CHN1: variants seen among roughly 807,000 people sequenced by gnomAD.
CHN1 encodes the protein N-chimaerin.
Under a neutral mutation model 59.5 loss-of-function variants are expected in CHN1, and 37 were observed. That is an observed-to-expected ratio of 0.62 (90% CI 0.48 to 0.82). The LOEUF is 0.82. CHN1 is among the 40% of genes least tolerant of loss of function. CHN1 has a pLI of 0.00. For synonymous variants in CHN1, 206 were observed against 200.4 expected (o/e 1.03, Z -0.24); for missense variants, 469 against 571.0 (o/e 0.82, Z 1.82).
chr2:174,990,317 GT>G (rs1691504208), intron 1 of CHN1, among the ~76,000 whole-genome samples: 2 of 144,906 alleles, frequency 1.4e-5, no homozygotes, highest in Admixed American at 6.9e-5. Context: ...GTGCGAGGTC[GT>G]GGGGGGGTGC....
chr2:174,945,058 T>C (rs1369968413), intron 2 of CHN1, 115 bp from the exon 3 acceptor site: 1 of 705,110 alleles, frequency 1.4e-6, no homozygotes, highest in Non-Finnish European at 2.4e-6. Flanking sequence ...TATAACCTTA[T>C]TTACTAAATT....
rs1294929523 is a variant in CHN1, at chr2:174,944,901, G to C, written c.101C>G (p.Thr34Ser). 6.3e-7 allele frequency: 1 copy of C among 1,582,638 alleles called. No individual in the cohort carries two copies. Among genetic ancestry groups the C allele is most frequent in the African/African-American group, 1.3e-5 (1 of 74,600 alleles). ...CATTACACCCACCTCGCAAGTACAG[G>C]TAATTCTTCGAGGATGAGGGGCTTC... ...QQEAPHPRRI[T>S]CTCEVENRPK... Residue 34 changes from threonine to serine, a missense_variant, in exon 3 of 13, where the codon ACC becomes AGC. Around this residue, in one of 5 missense-constraint regions of CHN1, gnomAD observed 152 missense variants for 166.1 expected, o/e 0.92. Transcript: ENST00000409900.
chr2:174,849,914 C>G (rs1250532167), intron 6 of CHN1, among the ~76,000 whole-genome samples: 1 of 152,208 alleles, frequency 6.6e-6, no homozygotes, highest in Non-Finnish European at 1.5e-5. Context: ...GGAGTCTTCT[C>G]TCTGATTCTA....
At chr2:174,849,840 G>A (rs373965462) in intron 6 of CHN1, among the ~76,000 whole-genome samples, 1 of 152,084 alleles carries the variant, frequency 6.6e-6, no homozygotes, top group Non-Finnish European at 1.5e-5. Flanking sequence ...GCTAGTAGGT[G>A]GGGGGGCTGG....
At chr2:174,823,269 TA>T (rs1437693805) in intron 8 of CHN1, among the ~76,000 whole-genome samples, 2 of 152,256 alleles carry the variant, frequency 1.3e-5, no homozygotes, top group Non-Finnish European at 2.9e-5. Flanking sequence ...TGTAAGAAGA[TA>T]TTTTTTAGTT....
chr2:174,870,525 A>G lies in CHN1; in HGVS notation c.549+7315T>C, dbSNP rs116080349. Among the ~76,000 whole-genome samples the G allele has an allele frequency of 7.0e-3, 1,064 of 152,348 alleles. 16 individuals are homozygous for G. The highest frequency in any genetic ancestry group is 0.024 in the African/African-American group (1,010 of 41,578). ...AATACGATGGAGCAAAACGCATAAG[A>G]TGAAAATTACAGATCCAGAGTATGT... On this transcript the variant is annotated intron_variant, in intron 6 of 12. Transcript: ENST00000409900.
chr2:174,955,127 A>T (rs1337706160), intron 1 of CHN1, among the ~76,000 whole-genome samples: 10 of 147,180 alleles, frequency 6.8e-5, no homozygotes, highest in South Asian at 6.3e-4. Context: ...CTATAGATCT[A>T]ATATAGATCT....
At chr2:174,966,763 A>G (rs761683577) in intron 1 of CHN1, among the ~76,000 whole-genome samples, 1 of 152,196 alleles carries the variant, frequency 6.6e-6, no homozygotes, top group Non-Finnish European at 1.5e-5. Context: ...AGAACTTCTG[A>G]TAATGTTTCT....
Position 174,918,621 on chromosome 2 carries a change from TAACTC to T in CHN1, c.115-61_115-57del. On this transcript the variant is annotated intron_variant, in intron 3 of 12. Transcript: ENST00000409900. The stretch of plus-strand genomic sequence containing the variant: ...TGTAAAAATGCAAATGTGCAGAACA[TAACTC>T]AACATTTTGTGCATGTGACAAAGTA... The T allele has an allele frequency of 2.9e-6, 4 of 1,389,024 alleles. 1 individual carries two copies. In the Middle Eastern group the frequency reaches 6.0e-4, roughly 209 times the overall value. 86.0% of individuals were successfully genotyped at this position (1,389,024 alleles called of 1,614,324 possible). A position where few individuals can be genotyped will look rare whatever the true frequency, so the allele number is the denominator to read the frequency against.
At chr2:174,846,385 G>A (rs1300488004) in intron 7 of CHN1, 1 of 1,546,794 alleles carries the variant, frequency 6.5e-7, no homozygotes, top group Non-Finnish European at 8.7e-7. Flanking sequence ...TCCCATGGTA[G>A]CCATCCTCCT....
Position 174,915,113 on chromosome 2 carries a change from TC to T in CHN1, c.204del (p.Ser69AlafsTer18). On this transcript the variant is annotated frameshift_variant, in exon 5 of 13. Transcript: ENST00000409900. LOFTEE classifies it high-confidence loss of function. ...AADQLLIVAE[G>X]SYLIRESQRQ... ...CGCTGGCTCTCCCGGATGAGGTAGC[TC>T]CCCTCAGCCACAATCAAGAGCTGGT... 1 of 1,612,486 alleles carries T rather than the reference TC, an allele frequency of 6.2e-7. No individual in the cohort carries two copies. Among genetic ancestry groups the T allele is most frequent in the African/African-American group, 1.3e-5 (1 of 75,010 alleles).
intron 8 of CHN1, among the ~76,000 whole-genome samples, chr2:174,822,757 C>T (rs1367190070): frequency 2.6e-5 from 4 of 152,232 alleles, no homozygotes; most frequent in Non-Finnish European, 5.9e-5. Flanking sequence ...TACTGTTTCC[C>T]TCCAGTGCAA....
chr2:174,906,171 T>C (rs1688537816), intron 5 of CHN1, among the ~76,000 whole-genome samples: 1 of 152,170 alleles, frequency 6.6e-6, no homozygotes, highest in African/African-American at 2.4e-5. Flanking sequence ...CACAATTTTA[T>C]TCATAATAAC....
chr2:174,989,600 G>A (rs777076527), intron 1 of CHN1, among the ~76,000 whole-genome samples: 3 of 151,924 alleles, frequency 2.0e-5, no homozygotes, highest in Non-Finnish European at 4.4e-5. Context: ...GACCAGCCTG[G>A]GCAACACAGG....
chr2:175,002,816 T>G (rs1233895195), intron 1 of CHN1, among the ~76,000 whole-genome samples: 1 of 152,210 alleles, frequency 6.6e-6, no homozygotes, highest in Non-Finnish European at 1.5e-5. Flanking sequence ...ATTGCTCTTC[T>G]GTTCTAAGTT....
At chr2:174,899,042 C>T (rs542904461) in intron 5 of CHN1, among the ~76,000 whole-genome samples, 2 of 152,276 alleles carry the variant, frequency 1.3e-5, no homozygotes, top group East Asian at 3.9e-4. Flanking sequence ...TTTAAAACTC[C>T]TTGGCTGTCA....
At chr2:174,846,297 A>C in intron 7 of CHN1, 1 of 1,539,932 alleles carries the variant, frequency 6.5e-7, no homozygotes, top group Non-Finnish European at 8.7e-7. Flanking sequence ...AATAATTAAA[A>C]ACTACACATA....
chr2:174,832,302 C>T (rs1040482273), intron 7 of CHN1, among the ~76,000 whole-genome samples: 2 of 151,998 alleles, frequency 1.3e-5, no homozygotes, highest in Admixed American at 6.5e-5. Context: ...TCTTCTTTTT[C>T]ACTGATTGCT....
At chr2:174,903,843 A>G (rs1342918914) in intron 5 of CHN1, among the ~76,000 whole-genome samples, 1 of 151,922 alleles carries the variant, frequency 6.6e-6, no homozygotes, top group East Asian at 1.9e-4. Flanking sequence ...GTGGAAAGTT[A>G]ACCCTTGAGA....
Sources: gnomAD v4.1 joint callset for allele counts (sites outside exome capture counted in the v4.1 genomes callset) on GRCh38, gnomAD v4.1.1 for gene constraint, gnomAD v4.1.1 regional missense constraint, MANE v1.5 for transcripts, NCBI Gene and HGNC (gene_info 2026-07-23, HGNC 2026-07-21) for gene names.